The following CCNB2 variants were observed in gnomAD, a reference collection of about 807,000 sequenced individuals.
The protein encoded by CCNB2 is G2/mitotic-specific cyclin-B2.
CCNB2 carries 39 observed loss-of-function variants against 51.1 expected under a neutral mutation model. The ratio of observed to expected loss-of-function variants is 0.76; its 90% CI spans 0.59 to 1.00. The LOEUF (loss-of-function observed/expected upper bound fraction) is 1.00, where lower values mean the gene tolerates loss of function less well. CCNB2 is among the 50% of genes least tolerant of loss of function. The probability of loss-of-function intolerance (pLI) is 0.00; values close to 1 mark genes in which losing one functional copy is unlikely to be tolerated. For missense variants in CCNB2, 472 were observed against 470.3 expected, an observed-to-expected ratio of 1.00 and a Z score of -0.03; for synonymous variants, 174 against 165.5, an observed-to-expected ratio of 1.05 and a Z score of -0.40.
In CCNB2 at chr15:59,117,246, A is replaced by G. The variant is rs768913561; in HGVS notation, c.853A>G (p.Thr285Ala). Residue 285 changes from threonine (T) to alanine (A), a missense_variant, in exon 7 of 9, where the codon ACT becomes GCT. Physicochemically the swap from Thr to Ala is moderately conservative, Grantham distance 58. Coordinates refer to ENST00000288207, the MANE Select transcript of CCNB2 (RefSeq NM_004701.4). ...TTCTTAGGTTGATGTTGAACAGCAC[A>G]CTTTAGCCAAGTATTTGATGGAGCT... The part of the protein sequence containing the change: ...KAGEVDVEQH[T>A]LAKYLMELTL... The G allele has an allele frequency of 1.4e-5, 23 of 1,612,898 alleles. No individual in the cohort carries two copies. The highest frequency in any genetic ancestry group is 6.7e-5 in the African/African-American group (5 of 74,898).
chr15:59,119,881 GTT>G (rs757680909), intron 7 of CCNB2, among the ~76,000 whole-genome samples: 1 of 151,928 alleles, frequency 6.6e-6, no homozygotes, highest in Non-Finnish European at 1.5e-5. Context: ...TAATTTTAAA[GTT>G]TTTTTGTAGA....
intron 3 of CCNB2, among the ~76,000 whole-genome samples, chr15:59,109,021 C>T (rs74017360): frequency 6.6e-6 from 1 of 152,278 alleles, no homozygotes; most frequent in African/African-American, 2.4e-5. Flanking sequence ...TGGTTCCTCC[C>T]ACATCGCAGG....
At chr15:59,120,150 C>T (rs943121815) in intron 7 of CCNB2, among the ~76,000 whole-genome samples, 8 of 152,184 alleles carry the variant, frequency 5.3e-5, no homozygotes, top group Non-Finnish European at 1.2e-4. Flanking sequence ...AGTGACAACT[C>T]AGTAGTAGTG....
chr15:59,119,945 T>C (rs575134122), intron 7 of CCNB2, among the ~76,000 whole-genome samples: 2 of 152,238 alleles, frequency 1.3e-5, no homozygotes, highest in African/African-American at 2.4e-5. Flanking sequence ...TAGGCTCAAG[T>C]GATCTTCTCG....
At position 59,116,739 on chromosome 15, in the gene CCNB2, T is replaced by C. The variant is rs2079280493; in HGVS notation, c.647T>C (p.Leu216Pro). Residue 216 changes from leucine to proline, a missense_variant, in exon 6 of 9, where the codon CTG becomes CCG. By Grantham distance (98) the Leu-to-Pro change is moderately conservative. Transcript: ENST00000288207. ...KKLQLVGITA[L>P]LLASKYEEMF... ...CTTCAATTAGTTGGGATTACTGCTC[T>C]GCTCTTGGCTTCCAAGTATGAGGAG... The C allele has an allele frequency of 6.2e-7, 1 of 1,613,068 alleles. No homozygotes were observed. Among genetic ancestry groups the C allele is most frequent in the East Asian group, 2.2e-5 (1 of 44,884 alleles).
At chr15:59,110,499 T>C (rs1189948947) in intron 3 of CCNB2, among the ~76,000 whole-genome samples, 1 of 152,248 alleles carries the variant, frequency 6.6e-6, no homozygotes, top group Non-Finnish European at 1.5e-5. Context: ...TTCTGGCTTT[T>C]ACTTTGTCAT....
rs765376803 is a variant in CCNB2, at chr15:59,124,866, G to C, written c.1186G>C (p.Gly396Arg). ...CAAAGACCTTGCCTCCCCACTGATA[G>C]GAAGGTCCTAGGCTGCCGTGGCCCC... ...AVKDLASPLI[G>R]RS is the part of the protein sequence containing the mutation. Residue 396 changes from glycine to arginine, a missense_variant, in exon 9 of 9, where the codon GGA becomes CGA. Transcript: ENST00000288207. 3.8e-6 allele frequency: 6 copies of C among 1,592,580 alleles called. No homozygotes were observed. The South Asian group carries it at 6.9e-5, about 18-fold the overall frequency.
chr15:59,112,207 C>G (rs2079260382), intron 3 of CCNB2, among the ~76,000 whole-genome samples: 2 of 152,062 alleles, frequency 1.3e-5, no homozygotes, highest in Non-Finnish European at 2.9e-5. Context: ...TCTTGCTCAC[C>G]TGGTTCTTCC....
chr15:59,113,149 AG>A (rs2079264872), intron 3 of CCNB2, among the ~76,000 whole-genome samples: 1 of 152,260 alleles, frequency 6.6e-6, no homozygotes, highest in Non-Finnish European at 1.5e-5. Flanking sequence ...TTACCCAGTC[AG>A]CATAGGAAAG....
chr15:59,119,734 G>A (rs1425966027), intron 7 of CCNB2, among the ~76,000 whole-genome samples: 1 of 152,028 alleles, frequency 6.6e-6, no homozygotes, highest in Non-Finnish European at 1.5e-5. Flanking sequence ...CTTATACAGG[G>A]TCTTGCTTTG....
chr15:59,107,577 T>C lies in CCNB2; in HGVS notation c.174T>C (p.Val58=). 1 of 1,614,166 alleles carries C rather than the reference T, an allele frequency of 6.2e-7. No homozygotes were observed. The highest frequency in any genetic ancestry group is 8.5e-7 in the Non-Finnish European group (1 of 1,180,034). ...TATAGAAAGCTCAGAACACCAAAGT[T>C]CCAGTTCAACCCACCAAAACAACAA... ...QVAKKAQNTK[V]PVQPTKTTNV... is the part of the protein sequence containing the mutation. Residue 58 remains valine, a synonymous_variant, in exon 3 of 9, where the codon GTT becomes GTC. Transcript: ENST00000288207.
Position 59,114,769 on chromosome 15 carries a change from C to G in CCNB2, c.490C>G (p.Arg164Gly). 6.2e-7 allele frequency: 1 copy of G among 1,614,050 alleles called. No individual in the cohort carries two copies. Among genetic ancestry groups the G allele is most frequent in the East Asian group, 2.2e-5 (1 of 44,884 alleles). Residue 164 changes from arginine (R) to glycine (G), a missense_variant, in exon 5 of 9, where the codon CGC becomes GGC. Coordinates refer to ENST00000288207, the MANE Select transcript of CCNB2 (RefSeq NM_004701.4). ...HFLDGRDING[R>G]MRAILVDWLV... ...CTTAGATGGAAGAGATATAAATGGA[C>G]GCATGCGTGCCATCCTAGTGGATTG... is the stretch of plus-strand genomic sequence containing the variant.
At chr15:59,117,825 G>A (rs2079285377) in intron 7 of CCNB2, among the ~76,000 whole-genome samples, 2 of 152,160 alleles carry the variant, frequency 1.3e-5, no homozygotes, top group South Asian at 2.1e-4. Flanking sequence ...AGAGGGGCAT[G>A]GGGGCTTGTG....
At chr15:59,112,903 A>G (rs184715875) in intron 3 of CCNB2, among the ~76,000 whole-genome samples, 2,137 of 151,882 alleles carry the variant, frequency 0.014, 52 homozygotes, top group African/African-American at 0.048. Context: ...GTGTGGTGGA[A>G]GGCGCCTGTA....
At chr15:59,105,815 C>T (rs1366953124) in intron 1 of CCNB2, among the ~76,000 whole-genome samples, 2 of 152,164 alleles carry the variant, frequency 1.3e-5, no homozygotes, top group African/African-American at 4.8e-5. Flanking sequence ...GTATGAGTTT[C>T]CCATTTATTT....
intron 3 of CCNB2, among the ~76,000 whole-genome samples, chr15:59,111,189 G>A (rs1195583938): frequency 2.0e-5 from 3 of 152,300 alleles, no homozygotes; most frequent in East Asian, 1.9e-4. Flanking sequence ...TCTTATCCTA[G>A]TGGCTTTTGT....
chr15:59,124,447 C>T (rs1220038336), intron 8 of CCNB2: 1 of 350,468 alleles, frequency 2.9e-6, no homozygotes, highest in Non-Finnish European at 5.3e-6. Context: ...CCTGTTATGT[C>T]CTGATGGCAC....
intron 5 of CCNB2, 113 bp from the exon 6 acceptor site, chr15:59,116,577 A>T (rs548055725): frequency 5.5e-6 from 3 of 541,192 alleles, no homozygotes; most frequent in Non-Finnish European, 9.5e-6. Flanking sequence ...CTGTGCCCTT[A>T]TGAGCAAAGA....
chr15:59,119,362 G>T (rs1471049374), intron 7 of CCNB2, among the ~76,000 whole-genome samples: 1 of 151,624 alleles, frequency 6.6e-6, no homozygotes, highest in Non-Finnish European at 1.5e-5. Flanking sequence ...TCAGGAGGCT[G>T]AGGCAGGAGG....
Sources: gnomAD v4.1 joint callset for allele counts (sites outside exome capture counted in the v4.1 genomes callset) on GRCh38, gnomAD v4.1.1 for gene constraint, MANE v1.5 for transcripts, NCBI Gene and HGNC (gene_info 2026-07-23, HGNC 2026-07-21) for gene names.